LGR5: variants seen among roughly 807,000 people sequenced by gnomAD.
LGR5 encodes leucine-rich repeat-containing G protein-coupled receptor 5.
Under a neutral mutation model 76.7 loss-of-function variants are expected in LGR5, and 54 were observed. That is an observed-to-expected ratio of 0.70 (90% CI 0.57 to 0.88). The LOEUF is 0.88. Ranked by LOEUF, LGR5 falls within the 40% of genes least tolerant of loss-of-function variation. The pLI, the probability that LGR5 is intolerant of heterozygous loss-of-function variation, is 0.00. For synonymous variants in LGR5, 406 were observed against 421.9 expected (o/e 0.96, Z 0.46); for missense variants, 1,078 against 1,073.3 (o/e 1.00, Z -0.06).
intron 16 of LGR5, 75 bp from the exon 17 acceptor site, chr12:71,582,381 G>A (rs2053684591): frequency 8.5e-7 from 1 of 1,176,696 alleles, no homozygotes; most frequent in Non-Finnish European, 1.3e-6. Context: ...GAATAACCCA[G>A]GACTCTCCAC....
At position 71,473,066 on chromosome 12, in the gene LGR5, T is replaced by C. The variant is rs3803032; in HGVS notation, c.213-31548T>C. 1.6e-3 allele frequency among the ~76,000 whole-genome samples: 251 copies of C among 152,340 alleles called. 3 individuals are homozygous for C. In the East Asian group the frequency reaches 0.025, roughly 15 times the overall value. On this transcript the variant is annotated intron_variant, in intron 1 of 17. Coordinates refer to ENST00000266674, the MANE Select transcript of LGR5 (RefSeq NM_003667.4). Reference sequence around the variant, plus strand: ...CAGTGCACATATACTATGCTATCAATAATTCATATATGAACATAATCGATT... The same window carrying C: ...CAGTGCACATATACTATGCTATCAACAATTCATATATGAACATAATCGATT...
At chr12:71,519,188 G>A (rs1875600762) in intron 2 of LGR5, among the ~76,000 whole-genome samples, 1 of 151,952 alleles carries the variant, frequency 6.6e-6, no homozygotes, top group Non-Finnish European at 1.5e-5. Flanking sequence ...ACCACACCAG[G>A]CACTCTCTAC....
chr12:71,473,245 T>C (rs1285711602), intron 1 of LGR5, among the ~76,000 whole-genome samples: 1 of 152,126 alleles, frequency 6.6e-6, no homozygotes, highest in Non-Finnish European at 1.5e-5. Context: ...TTCATAGAAA[T>C]GTTGGTTGAG....
intron 15 of LGR5, among the ~76,000 whole-genome samples, chr12:71,579,224 A>G (rs1878990846): frequency 6.6e-6 from 1 of 152,246 alleles, no homozygotes; most frequent in South Asian, 2.1e-4. Context: ...AGGGCATGTA[A>G]TTAAATAACA....
intron 1 of LGR5, among the ~76,000 whole-genome samples, chr12:71,455,823 CTATT>C (rs1262738416): frequency 5.3e-5 from 8 of 152,196 alleles, no homozygotes; most frequent in South Asian, 2.1e-4. Flanking sequence ...AAATGACAAA[CTATT>C]TGATAAATTA....
At chr12:71,506,897 AT>A (rs899779171) in intron 2 of LGR5, among the ~76,000 whole-genome samples, 29 of 151,572 alleles carry the variant, frequency 1.9e-4, no homozygotes, top group African/African-American at 6.8e-4. Flanking sequence ...GGGAGGTTCT[AT>A]TTTTTTTGTT....
At chr12:71,525,139 T>C (rs940665591) in intron 3 of LGR5, among the ~76,000 whole-genome samples, 2 of 152,106 alleles carry the variant, frequency 1.3e-5, no homozygotes, top group South Asian at 2.1e-4. Context: ...GGCACTTACG[T>C]AGATAAAACA....
intron 1 of LGR5, among the ~76,000 whole-genome samples, chr12:71,478,782 G>T (rs900784472): frequency 2.0e-5 from 3 of 152,132 alleles, no homozygotes; most frequent in Non-Finnish European, 2.9e-5. Context: ...TTCTTTTGGA[G>T]AATTACATTT....
At chr12:71,576,106 A>G (rs1196435039) in intron 13 of LGR5, among the ~76,000 whole-genome samples, 1 of 152,142 alleles carries the variant, frequency 6.6e-6, no homozygotes, top group East Asian at 1.9e-4. Context: ...GGGGGAGGGA[A>G]AGCATCAGGA....
intron 1 of LGR5, among the ~76,000 whole-genome samples, chr12:71,499,299 G>T (rs1426897174): frequency 2.6e-5 from 4 of 152,028 alleles, no homozygotes; most frequent in East Asian, 3.9e-4. Context: ...AAGATGGAAA[G>T]ATAAGAGGTT....
Position 71,502,920 on chromosome 12 carries a change from G to T in LGR5, c.213-1694G>T, listed in dbSNP as rs537644099. Among the ~76,000 whole-genome samples the T allele has an allele frequency of 5.2e-4, 79 of 152,312 alleles. 2 individuals are homozygous for T. The South Asian group carries it at 0.016, about 30-fold the overall frequency. ...ACAAGATCAATGTTTGTTCTGAAGT[G>T]ATTTGCACATCACACAGAAAAATAT... On this transcript the variant is annotated intron_variant, in intron 1 of 17. Transcript: ENST00000266674.
intron 2 of LGR5, among the ~76,000 whole-genome samples, chr12:71,512,116 C>A (rs1339528741): frequency 6.6e-6 from 1 of 152,122 alleles, no homozygotes; most frequent in Non-Finnish European, 1.5e-5. Flanking sequence ...CTCAGCCTCC[C>A]AGGTAGCTGG....
At chr12:71,562,944 T>C (rs1330907911) in intron 8 of LGR5, among the ~76,000 whole-genome samples, 1 of 152,176 alleles carries the variant, frequency 6.6e-6, no homozygotes, top group Non-Finnish European at 1.5e-5. Flanking sequence ...GTTCTGGCAA[T>C]ATTTTGGCAA....
chr12:71,490,129 CA>C (rs34971565), intron 1 of LGR5, among the ~76,000 whole-genome samples: 108,768 of 140,818 alleles, frequency 0.77, 41,114 homozygotes, highest in Middle Eastern at 0.88. Flanking sequence ...GACCCAGCCT[CA>C]AAAAAAAAAA....
In LGR5 at chr12:71,456,488, T is replaced by A. The variant is rs780632000; in HGVS notation, c.212+16196T>A. 2.8e-4 allele frequency among the ~76,000 whole-genome samples: 42 copies of A among 152,228 alleles called. 1 individual carries two copies. The highest frequency in any genetic ancestry group is 3.4e-3 in the Middle Eastern group (1 of 294). On this transcript the variant is annotated intron_variant, in intron 1 of 17. Coordinates refer to ENST00000266674, the MANE Select transcript of LGR5 (RefSeq NM_003667.4). Reference sequence around the variant, plus strand: ...TGTTGCAGCTGCATTGTGATTCCGCTTGGTTGGTTTGTTAAAAGTCGGCTG... The same window carrying A: ...TGTTGCAGCTGCATTGTGATTCCGCATGGTTGGTTTGTTAAAAGTCGGCTG...
chr12:71,569,337 C>T (rs1399146917), intron 11 of LGR5, among the ~76,000 whole-genome samples: 1 of 152,166 alleles, frequency 6.6e-6, no homozygotes, highest in Non-Finnish European at 1.5e-5. Flanking sequence ...AGAGCTTCTG[C>T]ACAGCAAATG....
Position 71,550,187 on chromosome 12 carries a change from G to A in LGR5, c.429-2886G>A, listed in dbSNP as rs1487697450. On this transcript the variant is annotated intron_variant, in intron 4 of 17. Transcript: ENST00000266674. ...TTTTTTTATTTTTTTTTTATTTTCT[G>A]TTGGCCAGGCTGGAATACAGTGGCA... Among the ~76,000 whole-genome samples, 3 of 150,450 alleles carry A rather than the reference G, an allele frequency of 2.0e-5. No individual in the cohort carries two copies. In the East Asian group the frequency reaches 5.8e-4, roughly 29 times the overall value.
At chr12:71,513,200 G>A (rs984210635) in intron 2 of LGR5, among the ~76,000 whole-genome samples, 1 of 152,162 alleles carries the variant, frequency 6.6e-6, no homozygotes, top group Non-Finnish European at 1.5e-5. Context: ...AGAAACTTGA[G>A]GAACATCTAT....
In LGR5 at chr12:71,508,518, G is replaced by C. The variant is rs531642308; in HGVS notation, c.284+3833G>C. ...CACCTGTAATCCCAGCACTTTGGGA[G>C]GCCAAGGTGGGTGGATCATGAGGTC... is the stretch of plus-strand genomic sequence containing the variant. On this transcript the variant is annotated intron_variant, in intron 2 of 17. Coordinates refer to ENST00000266674, the MANE Select transcript of LGR5 (RefSeq NM_003667.4). Among the ~76,000 whole-genome samples the C allele has an allele frequency of 1.6e-4, 25 of 152,214 alleles. No individual in the cohort carries two copies. In the East Asian group the frequency reaches 4.5e-3, roughly 27 times the overall value.
Sources: allele counts gnomAD v4.1 joint callset (sites outside exome capture counted in the v4.1 genomes callset), GRCh38; gene constraint gnomAD v4.1.1; transcripts MANE v1.5; gene names NCBI Gene and HGNC (gene_info 2026-07-23, HGNC 2026-07-21).